Variants in TGS1 observed in about 807,000 individuals in gnomAD.
TGS1 encodes the protein trimethylguanosine synthase.
TGS1 carries 69 observed loss-of-function variants against 92.2 expected under a neutral mutation model. The ratio of observed to expected loss-of-function variants is 0.75; its 90% CI spans 0.62 to 0.91. The LOEUF (loss-of-function observed/expected upper bound fraction) is 0.91, where lower values mean the gene tolerates loss of function less well. Among genes scored for constraint, TGS1 ranks in the 40% least tolerant of loss-of-function variants. TGS1 has a pLI of 0.00. For synonymous variants in TGS1, 345 were observed against 338.1 expected (o/e 1.02, Z -0.22); for missense variants, 1,062 against 1,001.2 (o/e 1.06, Z -0.82).
At chr8:55,781,457 C>A (rs1811560058) in intron 1 of TGS1, among the ~76,000 whole-genome samples, 1 of 152,046 alleles carries the variant, frequency 6.6e-6, no homozygotes, top group Non-Finnish European at 1.5e-5. Context: ...TCTTGGCTAA[C>A]ATTATCTTCA....
chr8:55,786,625 C>A lies in TGS1; in HGVS notation c.727C>A (p.Gln243Lys). The A allele has an allele frequency of 6.2e-7, 1 of 1,614,118 alleles. No homozygotes were observed. The highest frequency in any genetic ancestry group is 1.1e-5 in the South Asian group (1 of 91,070). ...GGAAGAATGGGAGCAACATTATAGTCAACTTTATTGGTATTATTTGGAACA... is the reference window on the plus strand; with the variant it reads ...GGAAGAATGGGAGCAACATTATAGTAAACTTTATTGGTATTATTTGGAACA... The part of the protein sequence containing the change: ...TKEEWEQHYS[Q>K]LYWYYLEQFQ... The change falls in exon 4 of 13, where the codon CAA becomes AAA. Residue 243 changes from glutamine (Q) to lysine (K), a missense_variant. Physicochemically the swap from Gln to Lys is moderately conservative, Grantham distance 53. Coordinates refer to ENST00000260129, the MANE Select transcript of TGS1 (RefSeq NM_024831.8).
intron 8 of TGS1, among the ~76,000 whole-genome samples, chr8:55,800,688 T>A (rs1812192557): frequency 6.6e-6 from 1 of 152,200 alleles, no homozygotes; most frequent in Admixed American, 6.6e-5. Flanking sequence ...ACAATGTCAT[T>A]ATACCCCCTG....
chr8:55,811,638 G>T (rs1430420709), intron 11 of TGS1, among the ~76,000 whole-genome samples: 2 of 151,694 alleles, frequency 1.3e-5, no homozygotes, highest in African/African-American at 4.8e-5. Flanking sequence ...GCACGCGCCT[G>T]TACTCCCAGC....
chr8:55,786,865 A>T lies in TGS1; in HGVS notation c.967A>T (p.Asn323Tyr). 6.2e-7 allele frequency: 1 copy of T among 1,614,180 alleles called. No individual in the cohort carries two copies. Among genetic ancestry groups the T allele is most frequent in the South Asian group, 1.1e-5 (1 of 91,080 alleles). The change falls in exon 4 of 13, where the codon AAC becomes TAC. Residue 323 changes from asparagine to tyrosine, a missense_variant. Transcript: ENST00000260129. ...TAGTGAAATACTTGATGGAATTAGT[A>T]ACATAAAACTGAATTCAGAGGAAGT... is the stretch of plus-strand genomic sequence containing the variant. ...DHSEILDGISNIKLNSEEVTQ... is the reference protein window; with the variant it reads ...DHSEILDGISYIKLNSEEVTQ...
chr8:55,782,572 A>T (rs540301512), intron 1 of TGS1, among the ~76,000 whole-genome samples, 176 bp from the exon 2 acceptor site: 167 of 152,346 alleles, frequency 1.1e-3, no homozygotes, highest in African/African-American at 3.8e-3. Context: ...TCCTTACAAC[A>T]ACTCCATGAC....
rs774017853 is a variant in TGS1, at chr8:55,786,572, C to T, written c.674C>T (p.Ser225Phe). 6.2e-7 allele frequency: 1 copy of T among 1,614,192 alleles called. No homozygotes were observed. The highest frequency in any genetic ancestry group is 1.3e-5 in the African/African-American group (1 of 75,058). The change falls in exon 4 of 13, where the codon TCT (serine) becomes TTT (phenylalanine). Residue 225 changes from serine (S) to phenylalanine (F), a missense_variant. Ser to Phe is a radical substitution (Grantham distance 155, BLOSUM62 -2). Coordinates refer to ENST00000260129, the MANE Select transcript of TGS1 (RefSeq NM_024831.8). ...QEKHPGQALS[S>F]EPWNFPDTKE... ...AAACATCCGGGTCAAGCACTATCTT[C>T]TGAACCTTGGAACTTTCCTGATACA...
intron 12 of TGS1, among the ~76,000 whole-genome samples, chr8:55,818,978 T>G (rs894414690): frequency 6.6e-6 from 1 of 152,158 alleles, no homozygotes; most frequent in African/African-American, 2.4e-5. Flanking sequence ...AGAGCCTCGC[T>G]CTGTCCACAA....
At chr8:55,774,623 G>C (rs1811329433) in intron 1 of TGS1, among the ~76,000 whole-genome samples, 1 of 151,990 alleles carries the variant, frequency 6.6e-6, no homozygotes, top group Non-Finnish European at 1.5e-5. Context: ...TTGTGCTCTT[G>C]TATATCAAGT....
chr8:55,804,825 T>G (rs1195629126), intron 9 of TGS1, 68 bp from the exon 10 acceptor site: 2 of 1,363,878 alleles, frequency 1.5e-6, no homozygotes, highest in Non-Finnish European at 2.1e-6. Context: ...TAGTAATGTT[T>G]GCTATGTTTA....
At chr8:55,795,889 A>T in intron 6 of TGS1, 89 bp from the exon 7 acceptor site, 1 of 971,264 alleles carries the variant, frequency 1.0e-6, no homozygotes, top group Non-Finnish European at 1.6e-6. Flanking sequence ...TGTAAAAATG[A>T]GTGAAAATGT....
intron 1 of TGS1, among the ~76,000 whole-genome samples, chr8:55,774,513 A>C (rs1811325083): frequency 6.6e-6 from 1 of 152,224 alleles, no homozygotes; most frequent in African/African-American, 2.4e-5. Context: ...TAATTTGAAA[A>C]CGCAAAAAGA....
intron 12 of TGS1, 81 bp downstream of exon 12, chr8:55,813,199 C>G: frequency 2.0e-6 from 2 of 986,804 alleles, no homozygotes; most frequent in Non-Finnish European, 3.1e-6. Context: ...CATATCCTTA[C>G]CAGAGAATGT....
At chr8:55,799,961 T>G (rs1364447467) in intron 8 of TGS1, among the ~76,000 whole-genome samples, 1 of 151,966 alleles carries the variant, frequency 6.6e-6, no homozygotes. Flanking sequence ...ATATAAAAAG[T>G]ATTCAGAGCA....
intron 10 of TGS1, among the ~76,000 whole-genome samples, chr8:55,807,642 C>G (rs1270041968): frequency 6.6e-6 from 1 of 152,034 alleles, no homozygotes; most frequent in Non-Finnish European, 1.5e-5. Flanking sequence ...ATCCTCCCAT[C>G]TCAGCCTCCC....
intron 10 of TGS1, among the ~76,000 whole-genome samples, chr8:55,809,791 A>T (rs1803291441): frequency 6.6e-6 from 1 of 152,200 alleles, no homozygotes; most frequent in Non-Finnish European, 1.5e-5. Context: ...CCTAAAAACA[A>T]AGTCTGCCTC....
intron 6 of TGS1, 58 bp downstream of exon 6, chr8:55,792,842 G>C: frequency 2.7e-6 from 3 of 1,096,970 alleles, no homozygotes; most frequent in Admixed American, 1.7e-5. Flanking sequence ...AACTATCTTA[G>C]AGCACTCTGA....
intron 6 of TGS1, among the ~76,000 whole-genome samples, chr8:55,795,165 T>A (rs141784180): frequency 2.4e-4 from 37 of 152,338 alleles, no homozygotes; most frequent in African/African-American, 8.7e-4. Context: ...TATTGAGGAA[T>A]CCTTGGGTAG....
intron 2 of TGS1, among the ~76,000 whole-genome samples, chr8:55,784,786 TC>T: frequency 6.6e-6 from 1 of 152,336 alleles, no homozygotes; most frequent in African/African-American, 2.4e-5. Context: ...ATTTTTAAAT[TC>T]ACTGTCTTAG....
chr8:55,802,539 G>A lies in TGS1; in HGVS notation c.1932G>A (p.Leu644=). ...LPPEIAAVPE[L]AKYWAQRYRL... ...CTGAAATAGCTGCTGTTCCTGAGCT[G>A]GCAAAATACTGGGCCCAGAGGTACA... Residue 644 remains leucine, a synonymous_variant, in exon 9 of 13, where the codon CTG becomes CTA. Transcript: ENST00000260129. The A allele has an allele frequency of 6.2e-7, 1 of 1,614,092 alleles. No homozygotes were observed. The highest frequency in any genetic ancestry group is 2.2e-5 in the East Asian group (1 of 44,878).
Sources: allele counts gnomAD v4.1 joint callset (sites outside exome capture counted in the v4.1 genomes callset), GRCh38; gene constraint gnomAD v4.1.1; transcripts MANE v1.5; gene names NCBI Gene and HGNC (gene_info 2026-07-23, HGNC 2026-07-21).